The following CCDC27 variants were observed in gnomAD, a reference collection of about 807,000 sequenced individuals.
The protein encoded by CCDC27 is coiled-coil domain containing 27.
A neutral mutation model predicts 80.3 loss-of-function variants in CCDC27; 80 were observed. The observed-to-expected ratio is 1.00, with a 90% CI of 0.83 to 1.20. The LOEUF (loss-of-function observed/expected upper bound fraction) is 1.20, where lower values mean the gene tolerates loss of function less well. Among genes scored for constraint, CCDC27 ranks in the 50% most tolerant of loss-of-function variants. The pLI, the probability that CCDC27 is intolerant of heterozygous loss-of-function variation, is 0.00. For missense variants in CCDC27, 815 were observed against 809.4 expected, an observed-to-expected ratio of 1.01 and a Z score of -0.08; for synonymous variants, 342 against 334.3, an observed-to-expected ratio of 1.02 and a Z score of -0.25.
At position 3,767,423 on chromosome 1, in the gene CCDC27, C is replaced by A. The variant is rs769760988; in HGVS notation, c.1721C>A (p.Ala574Asp). Residue 574 changes from alanine to aspartate, a missense_variant, in exon 10 of 12, where the codon GCC becomes GAC. Coordinates refer to ENST00000294600, the MANE Select transcript of CCDC27 (RefSeq NM_152492.3). Reference sequence around the variant, plus strand: ...CAGGCAGAGCAGCACACCCGCGTGGCCCTGGAGAGCTCCCAGTCCAGGGTA... The same window carrying A: ...CAGGCAGAGCAGCACACCCGCGTGGACCTGGAGAGCTCCCAGTCCAGGGTA... Reference protein sequence around the residue: ...IQQAEQHTRVALESSQSRLER... With the variant: ...IQQAEQHTRVDLESSQSRLER... 5 of 1,612,706 alleles carry A rather than the reference C, an allele frequency of 3.1e-6. No homozygotes were observed. Among genetic ancestry groups the A allele is most frequent in the Middle Eastern group, 3.3e-4 (2 of 5,998 alleles).
At chr1:3,754,401 C>A (rs1642903339) in intron 2 of CCDC27, among the ~76,000 whole-genome samples, 160 bp downstream of exon 2, 1 of 152,150 alleles carries the variant, frequency 6.6e-6, no homozygotes, top group Non-Finnish European at 1.5e-5. Context: ...CTCAGGGAGC[C>A]AGGGCAGCAA....
At position 3,762,606 on chromosome 1, in the gene CCDC27, C is replaced by A. The variant is rs1199433501; in HGVS notation, c.862-14C>A. The A allele has an allele frequency of 3.9e-6, 6 of 1,549,166 alleles. No homozygotes were observed. The highest frequency in any genetic ancestry group is 4.4e-6 in the Non-Finnish European group (5 of 1,145,412). ...AGGGGCTGGAAAGCTGAGGGTCCCA[C>A]GGGCGTCTTGCAGGAGCAGCTCTCA... On this transcript the variant is annotated splice_polypyrimidine_tract_variant and intron_variant, in intron 5 of 11. Coordinates refer to ENST00000294600, the MANE Select transcript of CCDC27 (RefSeq NM_152492.3).
In CCDC27 at chr1:3,761,664, G is replaced by A. The variant is rs900675342; in HGVS notation, c.861+234G>A. Among the ~76,000 whole-genome samples the A allele has an allele frequency of 1.3e-5, 2 of 151,706 alleles. No individual in the cohort carries two copies. Among genetic ancestry groups the A allele is most frequent in the African/African-American group, 4.8e-5 (2 of 41,386 alleles). ...ATGAGCTGATGCAACAGGGGGGGGA[G>A]AGATGAATGGAGGCGCAAAATGACA... is the stretch of plus-strand genomic sequence containing the variant. On this transcript the variant is annotated intron_variant, in intron 5 of 11. Transcript: ENST00000294600. The surrounding 1 kb of genome is among the most constrained non-coding windows in gnomAD (Gnocchi z 5.0).
rs1287703913 is a variant in CCDC27 at position 3,760,403 on chromosome 1, T to C, written c.712-878T>C. On this transcript the variant is annotated intron_variant, in intron 4 of 11. Transcript: ENST00000294600. The surrounding 1 kb of genome is among the most constrained non-coding windows in gnomAD (Gnocchi z 4.3). ...TTCACACCTATCTTTATTCCTTTTC[T>C]TCTACTTTCTGCGGGATTAATTTTA... Among the ~76,000 whole-genome samples the C allele has an allele frequency of 3.0e-4, 46 of 152,206 alleles. 1 individual carries two copies. Among genetic ancestry groups the C allele is most frequent in the Admixed American group, 3.0e-3 (46 of 15,272 alleles).
Position 3,769,051 on chromosome 1 carries a change from A to C in CCDC27, c.1744-732A>C, listed in dbSNP as rs747435715. On this transcript the variant is annotated intron_variant, in intron 10 of 11. Transcript: ENST00000294600. The surrounding 1 kb of genome is among the most constrained non-coding windows in gnomAD (Gnocchi z 4.6). Reference sequence around the variant, plus strand: ...CTCTCGGGCCCAGCTCCTGTGGGGCACCTCTGCGTCGTCAGGGTTTCTGGA... The same window carrying C: ...CTCTCGGGCCCAGCTCCTGTGGGGCCCCTCTGCGTCGTCAGGGTTTCTGGA... Among the ~76,000 whole-genome samples, 20 of 152,044 alleles carry C rather than the reference A, an allele frequency of 1.3e-4. No individual in the cohort carries two copies. The highest frequency in any genetic ancestry group is 2.2e-4 in the Non-Finnish European group (15 of 67,990).
rs562290054 is a variant in CCDC27 at position 3,760,871 on chromosome 1, T to A, written c.712-410T>A. On this transcript the variant is annotated intron_variant, in intron 4 of 11. Transcript: ENST00000294600. This position sits in a 1 kb window ranked among gnomAD's most constrained non-coding sequence, Gnocchi z 4.3. ...TTCTGAGAACAAAAGTTTGAGGAGC[T>A]CCCCGACAGGCCCCTAGGGAAGCTT... Among the ~76,000 whole-genome samples the A allele has an allele frequency of 6.6e-6, 1 of 152,274 alleles. No individual in the cohort carries two copies. Among genetic ancestry groups the A allele is most frequent in the African/African-American group, 2.4e-5 (1 of 41,544 alleles).
chr1:3,761,232 A>C lies in CCDC27; in HGVS notation c.712-49A>C. 1 of 1,595,004 alleles carries C rather than the reference A, an allele frequency of 6.3e-7. No individual in the cohort carries two copies. Among genetic ancestry groups the C allele is most frequent in the Non-Finnish European group, 8.6e-7 (1 of 1,169,510 alleles). ...TGGGCTGGAGGCAGGTCAGGGGAAG[A>C]GTGTGTGGCTGCATGGCCCACGGGG... On this transcript the variant is annotated intron_variant, in intron 4 of 11. Transcript: ENST00000294600. This position sits in a 1 kb window ranked among gnomAD's most constrained non-coding sequence, Gnocchi z 5.0.
chr1:3,769,765 T>A lies in CCDC27; in HGVS notation c.1744-18T>A. ...TCTTGGGTAAAGGCGAATGATAGTG[T>A]TGTCCCTTTGCTCACAGCTCGAGAG... On this transcript the variant is annotated intron_variant, in intron 10 of 11. Coordinates refer to ENST00000294600, the MANE Select transcript of CCDC27 (RefSeq NM_152492.3). The surrounding 1 kb of genome is among the most constrained non-coding windows in gnomAD (Gnocchi z 4.6). 1 of 1,592,330 alleles carries A rather than the reference T, an allele frequency of 6.3e-7. No homozygotes were observed. The highest frequency in any genetic ancestry group is 1.1e-5 in the South Asian group (1 of 90,656).
chr1:3,761,263 C>G lies in CCDC27; in HGVS notation c.712-18C>G, dbSNP rs2124593376. ...TGGCTGCATGGCCCACGGGGGCTGCCCTTGGTTTTCTGCCCAGGATCACTG... is the reference window on the plus strand; with the variant it reads ...TGGCTGCATGGCCCACGGGGGCTGCGCTTGGTTTTCTGCCCAGGATCACTG... On this transcript the variant is annotated intron_variant, in intron 4 of 11. Coordinates refer to ENST00000294600, the MANE Select transcript of CCDC27 (RefSeq NM_152492.3). This position sits in a 1 kb window ranked among gnomAD's most constrained non-coding sequence, Gnocchi z 5.0. The G allele has an allele frequency of 6.2e-7, 1 of 1,612,318 alleles. No individual in the cohort carries two copies. The highest frequency in any genetic ancestry group is 1.7e-4 in the Middle Eastern group (1 of 6,042).
chr1:3,758,679 T>C (rs1643018267), intron 4 of CCDC27, among the ~76,000 whole-genome samples: 1 of 152,178 alleles, frequency 6.6e-6, no homozygotes, highest in South Asian at 2.1e-4. Context: ...CCTGCAGCCT[T>C]GACCTCCCAG....
At chr1:3,765,684 A>G (rs1643210696) in intron 8 of CCDC27, among the ~76,000 whole-genome samples, 1 of 152,018 alleles carries the variant, frequency 6.6e-6, no homozygotes, top group Non-Finnish European at 1.5e-5. Context: ...TTAGTTTTCT[A>G]ACTTCTTGCA....
intron 2 of CCDC27, among the ~76,000 whole-genome samples, chr1:3,755,246 C>T (rs1161286523): frequency 6.6e-6 from 1 of 152,222 alleles, no homozygotes; most frequent in East Asian, 1.9e-4. Context: ...AGAAATTCAG[C>T]CACACTTGGG....
In CCDC27 at chr1:3,763,785, G is replaced by A; in HGVS notation, c.1401G>A (p.Leu467=). 3 of 1,614,158 alleles carry A rather than the reference G, an allele frequency of 1.9e-6. No individual in the cohort carries two copies. Among genetic ancestry groups the A allele is most frequent in the South Asian group, 1.1e-5 (1 of 91,086 alleles). The change falls in exon 8 of 12, where the codon CTG becomes CTA. Residue 467 remains leucine, a synonymous_variant. Transcript: ENST00000294600. The surrounding 1 kb of genome is among the most constrained non-coding windows in gnomAD (Gnocchi z 7.5). Reference sequence around the variant, plus strand: ...AGATCAATACGGAAAATGAGACGCTGCAGAAGGAGCTCCGAGAGCGGAGGC... The same window carrying A: ...AGATCAATACGGAAAATGAGACGCTACAGAAGGAGCTCCGAGAGCGGAGGC... The part of the protein sequence containing the change: ...LRKINTENET[L]QKELRERRQQ...
chr1:3,755,552 G>A lies in CCDC27; in HGVS notation c.538G>A (p.Asp180Asn), dbSNP rs771615605. 1.6e-5 allele frequency: 26 copies of A among 1,613,804 alleles called. No homozygotes were observed. The East Asian group carries it at 5.6e-4, about 35-fold the overall frequency. The change falls in exon 3 of 12, where the codon GAC (aspartate) becomes AAC (asparagine). Residue 180 changes from aspartate (D) to asparagine (N), a missense_variant. Asp to Asn is a conservative substitution (Grantham distance 23, BLOSUM62 1). Transcript: ENST00000294600. ...CCTGTTCTTGGCCAGGCGGGGCTCA[G>A]ACACGAACGTGGACGGTGAGGGAGC... is the stretch of plus-strand genomic sequence containing the variant. ...QDLFLARRGS[D>N]TNVDGYLLPF...
At chr1:3,764,934 C>T (rs947855294) in intron 8 of CCDC27, among the ~76,000 whole-genome samples, 1 of 151,464 alleles carries the variant, frequency 6.6e-6, no homozygotes, top group Non-Finnish European at 1.5e-5. Flanking sequence ...ACTCAGGAGG[C>T]CAAGGCAGGA....
Position 3,766,480 on chromosome 1 carries a change from A to G in CCDC27, c.1453-55A>G. 3 of 1,266,158 alleles carry G rather than the reference A, an allele frequency of 2.4e-6. No homozygotes were observed. The highest frequency in any genetic ancestry group is 3.4e-6 in the Non-Finnish European group (3 of 883,286). 78.4% of individuals were successfully genotyped at this position (1,266,158 alleles called of 1,614,324 possible). ...GGAAAAAAGTTAGATGCCGGAATTC[A>G]GTCTGTTATCTAAACCTGGGAGTCC... On this transcript the variant is annotated intron_variant, in intron 8 of 11. Coordinates refer to ENST00000294600, the MANE Select transcript of CCDC27 (RefSeq NM_152492.3). This position sits in a 1 kb window ranked among gnomAD's most constrained non-coding sequence, Gnocchi z 6.1.
At position 3,763,036 on chromosome 1, in the gene CCDC27, A is replaced by G. The variant is rs144185534; in HGVS notation, c.955-72A>G. The G allele has an allele frequency of 9.8e-4, 1,396 of 1,430,108 alleles. 18 individuals carry two copies. In the East Asian group the frequency reaches 0.021, roughly 21 times the overall value. 88.6% of individuals were successfully genotyped at this position (1,430,108 alleles called of 1,614,324 possible). A position where few individuals can be genotyped will look rare whatever the true frequency, so the allele number is the denominator to read the frequency against. ...AGGCGCCCTCCCCGGTGCCCCCGCC[A>G]TGAGCATTAGAGCCCTCTGCCCTGG... On this transcript the variant is annotated intron_variant, in intron 6 of 11. Transcript: ENST00000294600. The surrounding 1 kb of genome is among the most constrained non-coding windows in gnomAD (Gnocchi z 7.5).
rs777276048 is a variant in CCDC27 at position 3,767,462 on chromosome 1, C to T, written c.1743+17C>T. On this transcript the variant is annotated intron_variant, in intron 10 of 11. Transcript: ENST00000294600. ...CAGTCCAGGGTATGCCCAGCCCTTC[C>T]TCCTGAGGGTCTGTCCCAGCAGCTG... 4.4e-6 allele frequency: 7 copies of T among 1,596,792 alleles called. No individual in the cohort carries two copies. In the South Asian group the frequency reaches 7.9e-5, roughly 18 times the overall value.
chr1:3,761,259 C>T lies in CCDC27; in HGVS notation c.712-22C>T. On this transcript the variant is annotated intron_variant, in intron 4 of 11. Transcript: ENST00000294600. This position sits in a 1 kb window ranked among gnomAD's most constrained non-coding sequence, Gnocchi z 5.0. ...TGTGTGGCTGCATGGCCCACGGGGGCTGCCCTTGGTTTTCTGCCCAGGATC... is the reference window on the plus strand; with the variant it reads ...TGTGTGGCTGCATGGCCCACGGGGGTTGCCCTTGGTTTTCTGCCCAGGATC... The T allele has an allele frequency of 6.2e-7, 1 of 1,611,102 alleles. No individual in the cohort carries two copies. Among genetic ancestry groups the T allele is most frequent in the African/African-American group, 1.3e-5 (1 of 74,970 alleles).
Sources: allele counts gnomAD v4.1 joint callset (sites outside exome capture counted in the v4.1 genomes callset), GRCh38; gene constraint gnomAD v4.1.1; non-coding constraint Gnocchi (gnomAD v3.1); transcripts MANE v1.5; gene names NCBI Gene and HGNC (gene_info 2026-07-23, HGNC 2026-07-21).